PDE11A: variants seen among roughly 807,000 people sequenced by gnomAD.
The protein encoded by PDE11A is phosphodiesterase 11A.
In PDE11A, 100 loss-of-function variants were observed where a neutral mutation model predicts 100.5. That is an observed-to-expected ratio of 1.00 (90% CI 0.85 to 1.18). The LOEUF (loss-of-function observed/expected upper bound fraction) is 1.18, where lower values mean the gene tolerates loss of function less well. PDE11A is among the 50% of genes most tolerant of loss of function. The probability of loss-of-function intolerance (pLI) is 0.00; values close to 1 mark genes in which losing one functional copy is unlikely to be tolerated. For missense variants in PDE11A, 1,141 were observed against 1,152.6 expected (o/e 0.99, Z 0.15); for synonymous variants, 381 against 420.8 (o/e 0.91, Z 1.16).
At chr2:177,997,196 A>C in intron 2 of PDE11A, 1 of 1,261,042 alleles carries the variant, frequency 7.9e-7, no homozygotes. Context: ...TGTCTTATTC[A>C]GTAGAGTCTT....
intron 19 of PDE11A, among the ~76,000 whole-genome samples, chr2:177,654,753 T>C (rs373971580): frequency 6.6e-6 from 1 of 152,344 alleles, no homozygotes; most frequent in South Asian, 2.1e-4. Context: ...ATATTTTCTT[T>C]ACTGTTCTCA....
chr2:177,966,271 T>TGA (rs1410036780), intron 2 of PDE11A, among the ~76,000 whole-genome samples: 92 of 152,300 alleles, frequency 6.0e-4, no homozygotes, highest in South Asian at 2.1e-3. Context: ...GAGTATGGGA[T>TGA]TTTCTAGGTA....
intron 2 of PDE11A, among the ~76,000 whole-genome samples, chr2:177,906,609 G>T (rs963265833): frequency 1.3e-5 from 2 of 152,082 alleles, no homozygotes; most frequent in African/African-American, 2.4e-5. Context: ...AAAAATCAAT[G>T]ATTTTTGCAG....
intron 3 of PDE11A, among the ~76,000 whole-genome samples, chr2:177,902,950 A>G (rs930885792): frequency 1.3e-5 from 2 of 152,122 alleles, no homozygotes; most frequent in African/African-American, 4.8e-5. Context: ...CCAGTTTATT[A>G]TCTCCAGGGA....
chr2:177,830,892 C>A (rs1473221048), intron 6 of PDE11A, among the ~76,000 whole-genome samples: 7 of 152,008 alleles, frequency 4.6e-5, no homozygotes, highest in Non-Finnish European at 8.8e-5. Flanking sequence ...ACATTCTTTT[C>A]ATAGAATCTT....
chr2:177,780,010 T>C (rs2082432193), intron 9 of PDE11A, among the ~76,000 whole-genome samples: 1 of 152,228 alleles, frequency 6.6e-6, no homozygotes, highest in South Asian at 2.1e-4. Context: ...GCAGAATGAA[T>C]GCTGTATTAG....
chr2:177,623,963 A>G lies in PDE11A; in HGVS notation c.*5444T>C, dbSNP rs1273417068. On this transcript the variant is annotated 3_prime_UTR_variant, in exon 20 of 20. Transcript: ENST00000286063. ...GCATTGCTAAATCTAAATGCTCATC[A>G]TGAAATTCTCCAGATACACCTCATT... The G allele has an allele frequency of 6.6e-6, 1 of 152,238 alleles. No individual in the cohort carries two copies. Among genetic ancestry groups the G allele is most frequent in the Non-Finnish European group, 1.5e-5 (1 of 68,038 alleles). The allele number at this position is 152,238 out of a possible 1,614,324, so 9.4% of individuals were successfully genotyped here. A position where few individuals can be genotyped will look rare whatever the true frequency, so the allele number is the denominator to read the frequency against.
At chr2:178,042,343 T>A (rs898422014) in intron 1 of PDE11A, among the ~76,000 whole-genome samples, 2 of 152,020 alleles carry the variant, frequency 1.3e-5, no homozygotes, top group African/African-American at 2.4e-5. Flanking sequence ...CCAGGTGTGG[T>A]GGCACACATT....
chr2:177,984,383 T>C lies in PDE11A; in HGVS notation c.1071+29919A>G, dbSNP rs1245557249. Among the ~76,000 whole-genome samples, 4 of 152,322 alleles carry C rather than the reference T, an allele frequency of 2.6e-5. No homozygotes were observed. The East Asian group carries it at 7.7e-4, about 29-fold the overall frequency. On this transcript the variant is annotated intron_variant, in intron 2 of 19. Transcript: ENST00000286063. The stretch of plus-strand genomic sequence containing the variant: ...CCATATTGCTGAAGATAGGGGTGAA[T>C]GGCATACATATACTTTTAACTGAGT...
intron 10 of PDE11A, among the ~76,000 whole-genome samples, chr2:177,753,570 G>A (rs1574107881): frequency 1.3e-5 from 2 of 151,444 alleles, no homozygotes; most frequent in Non-Finnish European, 1.5e-5. Context: ...GCAGAATGAC[G>A]AACTTTTTAA....
chr2:177,933,774 A>G (rs1418925532), intron 2 of PDE11A, among the ~76,000 whole-genome samples: 1 of 152,198 alleles, frequency 6.6e-6, no homozygotes, highest in Non-Finnish European at 1.5e-5. Flanking sequence ...AGCATGTACA[A>G]AAACAGACAC....
At chr2:178,002,037 ATAGT>A (rs67607731) in intron 2 of PDE11A, among the ~76,000 whole-genome samples, 8,433 of 152,168 alleles carry the variant, frequency 0.055, 290 homozygotes, top group South Asian at 0.091. Flanking sequence ...ATATAACCCA[ATAGT>A]TAGTTTTTCA....
upstream of PDE11A, among the ~76,000 whole-genome samples, chr2:178,074,470 A>C (rs181757505): frequency 6.6e-6 from 1 of 152,318 alleles, no homozygotes; most frequent in East Asian, 1.9e-4. Flanking sequence ...AGACAAGAAA[A>C]GCACTGAGTA....
intron 2 of PDE11A, among the ~76,000 whole-genome samples, chr2:178,102,432 T>G (rs1030335086): frequency 7.0e-6 from 1 of 142,266 alleles, no homozygotes; most frequent in African/African-American, 2.6e-5. Context: ...GTCTAAGTTT[T>G]TTTTTTTTTT....
intron 5 of PDE11A, among the ~76,000 whole-genome samples, chr2:177,859,355 T>C (rs1157200644): frequency 6.6e-6 from 1 of 151,576 alleles, no homozygotes; most frequent in African/African-American, 2.4e-5. Context: ...CATCAATTGG[T>C]TAATGGATAA....
Position 178,071,979 on chromosome 2 carries a change from T to A in PDE11A, c.459A>T (p.Arg153=). The change falls in exon 1 of 20, where the codon CGA becomes CGT. Residue 153 remains arginine, a synonymous_variant. Coordinates refer to ENST00000286063, the MANE Select transcript of PDE11A (RefSeq NM_016953.4). ...TTGCCTTCCGGAGAAGTGCCCTCCG[T>A]CGTACACTACTCAGGGGTTCCTGAG... is the stretch of plus-strand genomic sequence containing the variant. ...SRAQEPLSSV[R]RRALLRKASS... is the part of the protein sequence containing the mutation. 1 of 1,614,090 alleles carries A rather than the reference T, an allele frequency of 6.2e-7. No homozygotes were observed. Among genetic ancestry groups the A allele is most frequent in the African/African-American group, 1.3e-5 (1 of 75,038 alleles).
At chr2:177,958,037 C>T (rs1372988319) in intron 2 of PDE11A, among the ~76,000 whole-genome samples, 2 of 151,582 alleles carry the variant, frequency 1.3e-5, no homozygotes, top group African/African-American at 4.9e-5. Context: ...GTAGCTGGTG[C>T]GCGCAACCAT....
intron 2 of PDE11A, 54 bp downstream of exon 2, chr2:178,014,248 A>T (rs2086306212): frequency 7.6e-7 from 1 of 1,323,544 alleles, no homozygotes; most frequent in Non-Finnish European, 1.1e-6. Flanking sequence ...AAAGGAGAAT[A>T]GCAATCAATG....
At chr2:177,669,281 G>A (rs116747346) in intron 18 of PDE11A, among the ~76,000 whole-genome samples, 5 of 152,218 alleles carry the variant, frequency 3.3e-5, no homozygotes, top group South Asian at 2.1e-4. Context: ...CTGTGGGTGC[G>A]CAGGAAATGC....
Sources: allele counts gnomAD v4.1 joint callset (sites outside exome capture counted in the v4.1 genomes callset), GRCh38; gene constraint gnomAD v4.1.1; transcripts MANE v1.5; gene names NCBI Gene and HGNC (gene_info 2026-07-23, HGNC 2026-07-21).